ITGB5: variants seen among roughly 807,000 people sequenced by gnomAD.
ITGB5 encodes integrin subunit beta 5, also known as integrin beta-5.
Under a neutral mutation model 84.8 loss-of-function variants are expected in ITGB5, and 38 were observed. That is an observed-to-expected ratio of 0.45 (90% confidence interval 0.35 to 0.59). The LOEUF is 0.59. Ranked by LOEUF, ITGB5 falls within the 20% of genes least tolerant of loss-of-function variation. The probability of loss-of-function intolerance (pLI) is 0.01; values close to 1 mark genes in which losing one functional copy is unlikely to be tolerated. For missense variants in ITGB5, 905 were observed against 1,034.5 expected (o/e 0.87, Z 1.72); for synonymous variants, 393 against 414.4 (o/e 0.95, Z 0.63).
intron 9 of ITGB5, among the ~76,000 whole-genome samples, chr3:124,802,551 G>A (rs756362167): frequency 2.0e-5 from 3 of 152,242 alleles, no homozygotes; most frequent in Admixed American, 1.3e-4. Context: ...GCTCCCTGGT[G>A]TATGCCTGTG....
intron 2 of ITGB5, among the ~76,000 whole-genome samples, chr3:124,869,000 A>G (rs2065437177): frequency 6.6e-6 from 1 of 152,086 alleles, no homozygotes; most frequent in African/African-American, 2.4e-5. Context: ...ATTAGGTTAC[A>G]AGGAATGTGA....
intron 5 of ITGB5, among the ~76,000 whole-genome samples, chr3:124,829,272 A>C (rs545460955): frequency 1.3e-5 from 2 of 152,228 alleles, no homozygotes; most frequent in Non-Finnish European, 2.9e-5. Flanking sequence ...ACTTTTCTCT[A>C]TGTCTTTAAG....
intron 8 of ITGB5, among the ~76,000 whole-genome samples, chr3:124,811,541 C>T (rs991154715): frequency 1.1e-4 from 16 of 152,114 alleles, no homozygotes; most frequent in African/African-American, 1.7e-4. Context: ...AACACCAGTG[C>T]TCCCCAGCAA....
At chr3:124,890,995 TG>T (rs1421221192), upstream of ITGB5, among the ~76,000 whole-genome samples, 3 of 152,102 alleles carry the variant, frequency 2.0e-5, no homozygotes, top group African/African-American at 7.3e-5. Flanking sequence ...CCCCAGCCAC[TG>T]GAACAGTTTC....
rs1437778804 is a variant in ITGB5 at position 124,796,690 on chromosome 3, C to T, written c.1391G>A (p.Gly464Asp). 6.2e-7 allele frequency: 1 copy of T among 1,614,080 alleles called. No homozygotes were observed. The highest frequency in any genetic ancestry group is 1.3e-5 in the African/African-American group (1 of 75,058). The change falls in exon 10 of 15, where the codon GGC becomes GAC. Residue 464 changes from glycine (G) to aspartate (D), a missense_variant. By Grantham distance (94) the Gly-to-Asp change is moderately conservative. This residue lies in a region of ITGB5 where 656 missense variants were observed against 734.7 expected (regional missense o/e 0.89). Coordinates refer to ENST00000296181, the MANE Select transcript of ITGB5 (RefSeq NM_002213.5). ...GTTGGGTTCCAGCCCCACGCTGCAGCCGCACGTGCAGTTGTAGGTGACCCC... is the reference window on the plus strand; with the variant it reads ...GTTGGGTTCCAGCCCCACGCTGCAGTCGCACGTGCAGTTGTAGGTGACCCC... ...EVGVTYNCTC[G>D]CSVGLEPNSA...
upstream of ITGB5, chr3:124,887,920 C>CTTTTTTT (rs747964036): frequency 4.6e-4 from 91 of 196,322 alleles, no homozygotes; most frequent in African/African-American, 2.0e-3. Flanking sequence ...TTTTTCTTTT[C>CTTTTTTT]TTTTTTTTTT....
In ITGB5 at chr3:124,848,572, G is replaced by C; in HGVS notation, c.362-14C>G. The C allele has an allele frequency of 1.9e-6, 3 of 1,604,844 alleles. No individual in the cohort carries two copies. Among genetic ancestry groups the C allele is most frequent in the Non-Finnish European group, 2.5e-6 (3 of 1,176,912 alleles). On this transcript the variant is annotated splice_polypyrimidine_tract_variant and intron_variant, in intron 3 of 14. Transcript: ENST00000296181. ...TGGTCTTGTCACCTGCACCAACAGAGAGGCCACGTGTGTTAGAGGTTGTGC... is the reference window on the plus strand; with the variant it reads ...TGGTCTTGTCACCTGCACCAACAGACAGGCCACGTGTGTTAGAGGTTGTGC...
intron 10 of ITGB5, among the ~76,000 whole-genome samples, chr3:124,789,129 T>C (rs1199259557): frequency 6.6e-6 from 1 of 152,246 alleles, no homozygotes; most frequent in African/African-American, 2.4e-5. Flanking sequence ...CCAATTGCAA[T>C]GACAGAGATA....
At chr3:124,866,000 G>A (rs1295252865) in intron 2 of ITGB5, among the ~76,000 whole-genome samples, 1 of 151,628 alleles carries the variant, frequency 6.6e-6, no homozygotes, top group East Asian at 2.0e-4. Context: ...TATATATTTT[G>A]TTTGTTTGTT....
intron 5 of ITGB5, among the ~76,000 whole-genome samples, chr3:124,834,518 G>GGAGGGAGGC (rs1426496122): frequency 1.0e-3 from 110 of 106,480 alleles, no homozygotes; most frequent in Non-Finnish European, 1.8e-3. Flanking sequence ...AGGGAAGGAA[G>GGAGGGAGGC]GAGGGAGGCG....
At chr3:124,832,168 T>C (rs1209426128) in intron 5 of ITGB5, among the ~76,000 whole-genome samples, 1 of 141,104 alleles carries the variant, frequency 7.1e-6, no homozygotes, top group Admixed American at 7.1e-5. Flanking sequence ...CATTCTACAG[T>C]TGGCAAACTG....
intron 1 of ITGB5, among the ~76,000 whole-genome samples, chr3:124,894,233 T>C (rs977450367): frequency 2.1e-5 from 3 of 142,026 alleles, no homozygotes; most frequent in East Asian, 2.3e-4. Flanking sequence ...CCCAGGTTCA[T>C]GCCATTCTCC....
At chr3:124,842,460 G>A (rs1350674235) in intron 4 of ITGB5, among the ~76,000 whole-genome samples, 1 of 152,222 alleles carries the variant, frequency 6.6e-6, no homozygotes, top group Non-Finnish European at 1.5e-5. Flanking sequence ...ACAAAGTAAA[G>A]GGAAGAGGGG....
intron 1 of ITGB5, among the ~76,000 whole-genome samples, chr3:124,883,518 G>C (rs924589831): frequency 2.0e-5 from 3 of 152,132 alleles, no homozygotes; most frequent in African/African-American, 4.8e-5. Context: ...ACCTGTGCCT[G>C]GTTACCTACA....
At chr3:124,878,263 T>C (rs976343455) in intron 1 of ITGB5, among the ~76,000 whole-genome samples, 7 of 152,196 alleles carry the variant, frequency 4.6e-5, no homozygotes, top group Non-Finnish European at 8.8e-5. Flanking sequence ...TCCTCAATTC[T>C]GATGCAGATC....
chr3:124,859,442 A>G lies in ITGB5; in HGVS notation c.161T>C (p.Phe54Ser). 6.2e-7 allele frequency: 1 copy of G among 1,613,620 alleles called. No homozygotes were observed. The highest frequency in any genetic ancestry group is 8.5e-7 in the Non-Finnish European group (1 of 1,179,842). ...PKCAWCSKED[F>S]GSPRSITSRC... ...AGAGGTGATGGACCGTGGGCTTCCG[A>G]AGTCCTAGGCAGGGAAAAAGAGGAA... is the stretch of plus-strand genomic sequence containing the variant. Residue 54 changes from phenylalanine (F) to serine (S), a missense_variant, in exon 3 of 15, where the codon TTC becomes TCC. Coordinates refer to ENST00000296181, the MANE Select transcript of ITGB5 (RefSeq NM_002213.5).
chr3:124,821,470 T>G lies in ITGB5; in HGVS notation c.785A>C (p.Lys262Thr). The G allele has an allele frequency of 1.9e-6, 3 of 1,614,154 alleles. No individual in the cohort carries two copies. The highest frequency in any genetic ancestry group is 2.5e-6 in the Non-Finnish European group (3 of 1,180,008). ...CAGTGCATCCTTTCGCCAGCCAATC[T>G]TCTCCTGAAGGACAGAAGGTGGATG... ...AVLQAAVCKEKIGWRKDALHL... is the reference protein window; with the variant it reads ...AVLQAAVCKETIGWRKDALHL... Residue 262 changes from lysine (K) to threonine (T), a missense_variant, in exon 6 of 15, where the codon AAG becomes ACG. Around this residue, in one of 3 missense-constraint regions of ITGB5, gnomAD observed 656 missense variants for 734.7 expected, o/e 0.89. Transcript: ENST00000296181.
chr3:124,783,116 C>A (rs1468571658), intron 10 of ITGB5, among the ~76,000 whole-genome samples: 1 of 151,556 alleles, frequency 6.6e-6, no homozygotes, highest in Non-Finnish European at 1.5e-5. Flanking sequence ...CATGATAAAA[C>A]CCCATCTCTA....
chr3:124,814,540 A>G (rs6438854), intron 8 of ITGB5, among the ~76,000 whole-genome samples: 7,978 of 151,374 alleles, frequency 0.053, 438 homozygotes, highest in African/African-American at 0.14. Context: ...ACAGTGATAC[A>G]ATCATAGCTC....
Sources: gnomAD v4.1 joint callset for allele counts (sites outside exome capture counted in the v4.1 genomes callset) on GRCh38, gnomAD v4.1.1 for gene constraint, gnomAD v4.1.1 regional missense constraint, MANE v1.5 for transcripts, NCBI Gene and HGNC (gene_info 2026-07-23, HGNC 2026-07-21) for gene names.